TTN: variants seen among roughly 807,000 people sequenced by gnomAD.
TTN encodes the protein titin, also known as connectin.
A neutral mutation model predicts 3,223.0 loss-of-function variants in TTN; 1,525 were observed. The observed-to-expected ratio is 0.47, with a 90% CI of 0.45 to 0.49. TTN has a LOEUF of 0.49. TTN is among the 20% of genes least tolerant of loss of function. TTN has a pLI of 0.00. For missense variants in TTN, 40,786 were observed against 43,424.0 expected (o/e 0.94, Z 5.40); for synonymous variants, 14,094 against 15,161.0 (o/e 0.93, Z 5.17).
chr2:178,781,175 C>T lies in TTN; in HGVS notation c.3469G>A (p.Val1157Ile), dbSNP rs397517566. 68 of 1,613,904 alleles carry T rather than the reference C, an allele frequency of 4.2e-5. 1 individual carries two copies. Among genetic ancestry groups the T allele is most frequent in the Middle Eastern group, 3.3e-4 (2 of 6,082 alleles). The change falls in exon 21 of 363, where the codon GTT becomes ATT. Residue 1157 changes from valine (V) to isoleucine (I), a missense_variant. Physicochemically the swap from Val to Ile is conservative, Grantham distance 29. Transcript: ENST00000589042. Reference sequence around the variant, plus strand: ...GTTTCTCCATGCTTATTGCGAACAACAATAGTGTATTCTCCAGCATCATCA... The same window carrying T: ...GTTTCTCCATGCTTATTGCGAACAATAATAGTGTATTCTCCAGCATCATCA... ...FADDAGEYTI[V>I]VRNKHGETSA... is the part of the protein sequence containing the mutation.
intron 132 of TTN, 88 bp downstream of exon 132, chr2:178,684,242 A>G: frequency 1.4e-6 from 2 of 1,449,260 alleles, no homozygotes; most frequent in Non-Finnish European, 9.5e-7. Context: ...AACAACAACA[A>G]CAACAAAAAC....
Position 178,584,714 on chromosome 2 carries a change from A to AAATGCCAAATCTGT in TTN, c.64926_64927insACAGATTTGGCATT (p.Ser21643ThrfsTer58). The AAATGCCAAATCTGT allele has an allele frequency of 6.2e-7, 1 of 1,613,516 alleles. No individual in the cohort carries two copies. The highest frequency in any genetic ancestry group is 8.5e-7 in the Non-Finnish European group (1 of 1,179,584). Reference sequence around the variant, plus strand: ...ATCTTTGGAGATGTGAGAGGCTCTGAAATGCCAAATCGGTTTTCAGCACGG... The same window carrying AAATGCCAAATCTGT: ...ATCTTTGGAGATGTGAGAGGCTCTGAAATGCCAAATCTGTAATGCCAAATCGGTTTTCAGCACGG... On this transcript the variant is annotated frameshift_variant, in exon 310 of 363. Transcript: ENST00000589042. LOFTEE classifies it high-confidence loss of function.
chr2:178,611,129 T>G lies in TTN; in HGVS notation c.51000A>C (p.Arg17000Ser). The G allele has an allele frequency of 6.2e-7, 1 of 1,612,886 alleles. No individual in the cohort carries two copies. The highest frequency in any genetic ancestry group is 8.5e-7 in the Non-Finnish European group (1 of 1,179,220). ...AGATGTGATCATTCTTCATTGTTAA[T>G]CTATCACTTGCTTTAACTTCTTTGC... ...KDGKEVKASDRLTMKNDHISA... is the reference protein window; with the variant it reads ...KDGKEVKASDSLTMKNDHISA... Residue 17000 changes from arginine (R) to serine (S), a missense_variant, in exon 270 of 363, where the codon AGA becomes AGC. Physicochemically the swap from Arg to Ser is moderately radical, Grantham distance 110. Transcript: ENST00000589042.
intron 349 of TTN, 79 bp downstream of exon 349, chr2:178,542,185 G>C (rs1694906838): frequency 7.3e-7 from 1 of 1,366,248 alleles, no homozygotes; most frequent in African/African-American, 1.4e-5. Context: ...TTACATTAGG[G>C]CATATTAAAA....
Position 178,664,662 on chromosome 2 carries a change from G to A in TTN, c.36194C>T (p.Pro12065Leu). ...CTTCCAGCAAGATATACCTTCATCA[G>A]GAAGGACTTCAGGCTTTCTGAGAGG... is the stretch of plus-strand genomic sequence containing the variant. ...VVPLRKPEVL[P>L]DEVPEALREV... The change falls in exon 167 of 363, where the codon CCT (proline) becomes CTT (leucine). Residue 12065 changes from proline to leucine, a missense_variant. Physicochemically the swap from Pro to Leu is moderately conservative, Grantham distance 98. Transcript: ENST00000589042. The A allele has an allele frequency of 1.2e-6, 2 of 1,612,458 alleles. No homozygotes were observed. The highest frequency in any genetic ancestry group is 1.7e-6 in the Non-Finnish European group (2 of 1,179,678).
rs2154141681 is a variant in TTN, at chr2:178,541,514, G to A, written c.97563C>T (p.Tyr32521=). Residue 32521 remains tyrosine (Y), a synonymous_variant, in exon 350 of 363, where the codon TAC becomes TAT. Transcript: ENST00000589042. ...VSRDGMTLTW[Y]PPEDDGGSQV... ...GGGAGCCACCGTCATCCTCTGGTGG[G>A]TACCAAGTAAGTGTCATGCCATCAC... 7.4e-6 allele frequency: 12 copies of A among 1,613,030 alleles called. No homozygotes were observed. The highest frequency in any genetic ancestry group is 1.1e-5 in the South Asian group (1 of 90,914).
chr2:178,703,203 A>G (rs2075299926), intron 106 of TTN, among the ~76,000 whole-genome samples: 1 of 152,188 alleles, frequency 6.6e-6, no homozygotes, highest in African/African-American at 2.4e-5. Context: ...GGGCACAAAC[A>G]AAGTATGTGT....
Position 178,633,259 on chromosome 2 carries a change from A to G in TTN, c.43014T>C (p.Phe14338=), listed in dbSNP as rs528982852. 1.2e-6 allele frequency: 2 copies of G among 1,613,374 alleles called. No individual in the cohort carries two copies. Among genetic ancestry groups the G allele is most frequent in the East Asian group, 2.2e-5 (1 of 44,784 alleles). The part of the protein sequence containing the change: ...VEVFVGETAH[F]EIELSEPDVH... ...CATCAGGTTCAGAAAGTTCAATTTC[A>G]AAGTGGGCTGTTTCACCAACAAACA... The change falls in exon 233 of 363, where the codon TTT becomes TTC. Residue 14338 remains phenylalanine, a synonymous_variant. Transcript: ENST00000589042.
Position 178,576,857 on chromosome 2 carries a change from A to C in TTN, c.69413-26T>G. 2 of 1,602,546 alleles carry C rather than the reference A, an allele frequency of 1.2e-6. No individual in the cohort carries two copies. Among genetic ancestry groups the C allele is most frequent in the East Asian group, 4.5e-5 (2 of 44,718 alleles). On this transcript the variant is annotated intron_variant, in intron 324 of 362. Coordinates refer to ENST00000589042, the MANE Select transcript of TTN (RefSeq NM_001267550.2). The surrounding 1 kb of genome is among the most constrained non-coding windows in gnomAD (Gnocchi z 4.3). ...CTGAAAAGGAAGCAAATTTATTAGA[A>C]ATCCATGATTTCCTAAACTCTGCTA...
intron 47 of TTN, chr2:178,751,395 C>T (rs1404181329): frequency 6.2e-7 from 1 of 1,607,852 alleles, no homozygotes; most frequent in Non-Finnish European, 8.5e-7. Context: ...TACATGTAAT[C>T]TGTTTTCTTG....
chr2:178,605,616 G>A lies in TTN; in HGVS notation c.53679C>T (p.Pro17893=). 1 of 1,605,436 alleles carries A rather than the reference G, an allele frequency of 6.2e-7. No homozygotes were observed. Among genetic ancestry groups the A allele is most frequent in the Non-Finnish European group, 8.5e-7 (1 of 1,174,866 alleles). The change falls in exon 279 of 363, where the codon CCC becomes CCT. Residue 17893 remains proline, a synonymous_variant. Transcript: ENST00000589042. ...WKEPRSNGGS[P]IQGYIIEKRR... Reference sequence around the variant, plus strand: ...GTTTTTCAATGATATATCCTTGGATGGGACTGCCACCATTACTGCGGGGCT... The same window carrying A: ...GTTTTTCAATGATATATCCTTGGATAGGACTGCCACCATTACTGCGGGGCT...
chr2:178,670,774 GA>G lies in TTN; in HGVS notation c.35308+315del, dbSNP rs1200802466. Among the ~76,000 whole-genome samples, 6 of 151,778 alleles carry G rather than the reference GA, an allele frequency of 4.0e-5. No individual in the cohort carries two copies. The East Asian group carries it at 1.2e-3, about 29-fold the overall frequency. On this transcript the variant is annotated intron_variant, in intron 156 of 362. Transcript: ENST00000589042. ...AGGTTAATATAATTAATAATAAATAGAAAAACATGTGTTTATCAGTAAGCAT... is the reference window on the plus strand; with the variant it reads ...AGGTTAATATAATTAATAATAAATAGAAAACATGTGTTTATCAGTAAGCAT...
In TTN at chr2:178,557,037, C is replaced by T. The variant is rs762557803; in HGVS notation, c.88117G>A (p.Glu29373Lys). The change falls in exon 330 of 363, where the codon GAG becomes AAG. Residue 29373 changes from glutamate to lysine, a missense_variant. Glu to Lys is a moderately conservative substitution (Grantham distance 56). Transcript: ENST00000589042. ...CTGCCATCTGGAAGGTCACGTCTCT[C>T]AACAATGTAGCCTGTAATCTTGCTA... ...GGSKITGYIV[E>K]RRDLPDGRWT... 17 of 1,613,764 alleles carry T rather than the reference C, an allele frequency of 1.1e-5. No homozygotes were observed. The Admixed American group carries it at 2.3e-4, about 22-fold the overall frequency.
Position 178,702,639 on chromosome 2 carries a change from C to T in TTN, c.30248G>A (p.Arg10083His), listed in dbSNP as rs759347532. The part of the protein sequence containing the change: ...IEAEPIQFTK[R>H]IQNIVVSEHQ... ...CTCACTCACCACGATGTTCTGTATG[C>T]GCTTTGTAAACTGAATTGGTTCAGC... The change falls in exon 107 of 363, where the codon CGC (arginine) becomes CAC (histidine). Residue 10083 changes from arginine (R) to histidine (H), a missense_variant. Transcript: ENST00000589042. The T allele has an allele frequency of 2.4e-5, 39 of 1,613,590 alleles. No homozygotes were observed. The highest frequency in any genetic ancestry group is 3.1e-5 in the Non-Finnish European group (36 of 1,179,700).
chr2:178,775,904 T>C lies in TTN; in HGVS notation c.5960A>G (p.His1987Arg), dbSNP rs768691852. 3 of 1,614,162 alleles carry C rather than the reference T, an allele frequency of 1.9e-6. No individual in the cohort carries two copies. Among genetic ancestry groups the C allele is most frequent in the Non-Finnish European group, 2.5e-6 (3 of 1,180,002 alleles). ...TTCCGACTCTTCAGGCACTTTTTCATGGGTAATTCTTTCAGCCCTTTTCAA... is the reference window on the plus strand; with the variant it reads ...TTCCGACTCTTCAGGCACTTTTTCACGGGTAATTCTTTCAGCCCTTTTCAA... ...VKLKRAERIT[H>R]EKVPEESEEL... The change falls in exon 28 of 363, where the codon CAT (histidine) becomes CGT (arginine). Residue 1987 changes from histidine to arginine, a missense_variant. Physicochemically the swap from His to Arg is conservative, Grantham distance 29. Transcript: ENST00000589042.
rs2055850790 is a variant in TTN at position 178,609,703 on chromosome 2, G to C, written c.51720C>G (p.Thr17240=). The C allele has an allele frequency of 6.2e-7, 1 of 1,600,270 alleles. No homozygotes were observed. The highest frequency in any genetic ancestry group is 8.5e-7 in the Non-Finnish European group (1 of 1,171,316). The change falls in exon 272 of 363, where the codon ACC becomes ACG. Residue 17240 remains threonine, a synonymous_variant. Coordinates refer to ENST00000589042, the MANE Select transcript of TTN (RefSeq NM_001267550.2). ...ACTTACCAATGGGATCTACAGCTTTGGTTGGAGGAGTAGCCCGAGAAGGTT... is the reference window on the plus strand; with the variant it reads ...ACTTACCAATGGGATCTACAGCTTTCGTTGGAGGAGTAGCCCGAGAAGGTT... ...ISEPSRATPP[T]KAVDPIDAPK...
Position 178,548,638 on chromosome 2 carries a change from A to G in TTN, c.92988T>C (p.Leu30996=). ...TACTACCACTGTTGTTTTCCACAGT[A>G]AGGGTATATTTCCCTGCATCATTTC... ...CNRNDAGKYT[L]TVENNSGSKS... Residue 30996 remains leucine, a synonymous_variant, in exon 339 of 363, where the codon CTT becomes CTC. Transcript: ENST00000589042. This position sits in a 1 kb window ranked among gnomAD's most constrained non-coding sequence, Gnocchi z 4.3. The G allele has an allele frequency of 6.2e-7, 1 of 1,613,898 alleles. No homozygotes were observed. Among genetic ancestry groups the G allele is most frequent in the South Asian group, 1.1e-5 (1 of 91,082 alleles).
chr2:178,538,165 T>C, intron 354 of TTN: 1 of 526,322 alleles, frequency 1.9e-6, no homozygotes, highest in East Asian at 3.1e-5. Context: ...GGATTAATAA[T>C]GTATAGGCTT....
intron 278 of TTN, among the ~76,000 whole-genome samples, chr2:178,606,345 G>A (rs774751425): frequency 3.3e-5 from 5 of 151,898 alleles, no homozygotes; most frequent in Non-Finnish European, 7.4e-5. Flanking sequence ...GACGTTCATA[G>A]ATGAGCTGCA....
Sources: allele counts gnomAD v4.1 joint callset (sites outside exome capture counted in the v4.1 genomes callset), GRCh38; gene constraint gnomAD v4.1.1; non-coding constraint Gnocchi (gnomAD v3.1); transcripts MANE v1.5; gene names NCBI Gene and HGNC (gene_info 2026-07-23, HGNC 2026-07-21).